Variants in MYO3A observed in about 807,000 individuals in gnomAD.
MYO3A encodes the protein myosin-IIIa.
In MYO3A, 180 loss-of-function variants were observed where a neutral mutation model predicts 192.7. The ratio of observed to expected loss-of-function variants is 0.93; its 90% CI spans 0.83 to 1.06. MYO3A has a LOEUF of 1.06. Ranked by LOEUF, MYO3A falls within the 50% of genes least tolerant of loss-of-function variation. The pLI is 0.00. For missense variants in MYO3A, 1,896 were observed against 1,905.0 expected (o/e 1.00, Z 0.09); for synonymous variants, 628 against 645.3 (o/e 0.97, Z 0.41).
chr10:26,207,979 G>A (rs1354053945), intron 34 of MYO3A, among the ~76,000 whole-genome samples: 1 of 152,032 alleles, frequency 6.6e-6, no homozygotes, highest in Non-Finnish European at 1.5e-5. Flanking sequence ...TCAATGTATA[G>A]ATCTTTTACC....
chr10:26,088,138 A>G, intron 14 of MYO3A, 65 bp from the exon 15 acceptor site: 2 of 1,273,670 alleles, frequency 1.6e-6, no homozygotes, highest in Non-Finnish European at 2.2e-6. Context: ...CAAAGAAGAG[A>G]CATTTCATTA....
intron 6 of MYO3A, among the ~76,000 whole-genome samples, chr10:26,002,361 T>A (rs7922822): frequency 0.094 from 14,268 of 152,198 alleles, 1,169 homozygotes; most frequent in African/African-American, 0.21. Flanking sequence ...TATAGAAGGA[T>A]GCACCCCTAG....
At chr10:26,041,228 C>T (rs189450267) in intron 10 of MYO3A, among the ~76,000 whole-genome samples, 51 of 151,758 alleles carry the variant, frequency 3.4e-4, no homozygotes, top group East Asian at 7.7e-4. Context: ...TTTTTGGTTC[C>T]GGTTGGCATA....
intron 27 of MYO3A, among the ~76,000 whole-genome samples, chr10:26,167,480 C>T (rs1005686288): frequency 2.0e-5 from 3 of 152,280 alleles, no homozygotes; most frequent in African/African-American, 4.8e-5. Flanking sequence ...GTCTGAAACA[C>T]ATGCCTAACT....
intron 29 of MYO3A, 92 bp downstream of exon 29, chr10:26,170,631 A>G: frequency 1.4e-6 from 2 of 1,399,308 alleles, no homozygotes. Flanking sequence ...TTCTTGTACT[A>G]GTCAGGTTCC....
At position 25,968,952 on chromosome 10, in the gene MYO3A, G is replaced by A. The variant is rs534047969; in HGVS notation, c.303+13944G>A. Among the ~76,000 whole-genome samples the A allele has an allele frequency of 1.4e-4, 21 of 152,224 alleles. No homozygotes were observed. In the South Asian group the frequency reaches 3.7e-3, roughly 27 times the overall value. On this transcript the variant is annotated intron_variant, in intron 4 of 34. Transcript: ENST00000642920. ...GTAACCCTTATTTTACTTAATAATG[G>A]CCACAGGCCAGGCATGGTGGCTCAC...
chr10:26,174,696 A>G, intron 30 of MYO3A, 139 bp downstream of exon 30: 1 of 755,710 alleles, frequency 1.3e-6, no homozygotes, highest in Non-Finnish European at 2.2e-6. Flanking sequence ...AAAATGTCTC[A>G]GGGATTGTGC....
intron 10 of MYO3A, among the ~76,000 whole-genome samples, chr10:26,065,725 T>C (rs11014948): frequency 0.48 from 71,803 of 150,900 alleles, 17,766 homozygotes; most frequent in Middle Eastern, 0.59. Context: ...GGGTGGGTGA[T>C]ATAACAGAGA....
chr10:26,094,582 G>A (rs557543391), intron 15 of MYO3A, among the ~76,000 whole-genome samples: 50 of 152,084 alleles, frequency 3.3e-4, no homozygotes, highest in African/African-American at 1.0e-3. Flanking sequence ...CTGCCACCAC[G>A]CCTGGCTAAT....
intron 20 of MYO3A, among the ~76,000 whole-genome samples, chr10:26,140,713 A>G (rs1439784564): frequency 6.6e-6 from 1 of 151,852 alleles, no homozygotes; most frequent in Non-Finnish European, 1.5e-5. Context: ...GAAGAAAAAC[A>G]AGGGACAACT....
chr10:25,952,608 G>T (rs1366679968), intron 3 of MYO3A, among the ~76,000 whole-genome samples: 8 of 152,120 alleles, frequency 5.3e-5, no homozygotes, highest in Non-Finnish European at 1.0e-4. Context: ...AAGTAATCCT[G>T]AAATGGCATC....
intron 15 of MYO3A, among the ~76,000 whole-genome samples, chr10:26,091,030 C>T (rs570116357): frequency 6.6e-5 from 10 of 152,282 alleles, no homozygotes; most frequent in East Asian, 1.9e-4. Context: ...CTCCTTCATT[C>T]GCCTGTTTCC....
At chr10:26,172,194 C>T (rs955573683) in intron 29 of MYO3A, among the ~76,000 whole-genome samples, 1 of 152,226 alleles carries the variant, frequency 6.6e-6, no homozygotes, top group Admixed American at 6.5e-5. Context: ...CCAGCACTCC[C>T]TCCCTCCTCC....
At chr10:26,064,467 G>A (rs7097468) in intron 10 of MYO3A, among the ~76,000 whole-genome samples, 72,129 of 151,878 alleles carry the variant, frequency 0.47, 17,928 homozygotes, top group Middle Eastern at 0.59. Flanking sequence ...TATGGGCCTT[G>A]TAGGCCATGG....
intron 10 of MYO3A, among the ~76,000 whole-genome samples, chr10:26,035,343 A>G (rs1218362517): frequency 1.3e-5 from 2 of 152,236 alleles, no homozygotes; most frequent in African/African-American, 2.4e-5. Flanking sequence ...GGAGAAGGCC[A>G]TTGTAAGTAC....
intron 34 of MYO3A, among the ~76,000 whole-genome samples, chr10:26,204,789 T>G (rs2132222089): frequency 6.6e-6 from 1 of 152,348 alleles, no homozygotes; most frequent in African/African-American, 2.4e-5. Context: ...GATGTGATCC[T>G]TACCTCCAAG....
chr10:26,060,333 T>A (rs1834384701), intron 10 of MYO3A, among the ~76,000 whole-genome samples: 1 of 151,892 alleles, frequency 6.6e-6, no homozygotes, highest in African/African-American at 2.4e-5. Context: ...CCTGGCATGG[T>A]GGCGGGTGCC....
intron 19 of MYO3A, among the ~76,000 whole-genome samples, chr10:26,126,571 C>G (rs1195034345): frequency 6.6e-6 from 1 of 151,982 alleles, no homozygotes; most frequent in Non-Finnish European, 1.5e-5. Flanking sequence ...ATGTAATGGT[C>G]AAAATGGTTG....
chr10:26,065,041 A>T (rs1211361420), intron 10 of MYO3A, among the ~76,000 whole-genome samples: 1 of 152,208 alleles, frequency 6.6e-6, no homozygotes, highest in African/African-American at 2.4e-5. Flanking sequence ...GACCCCCAAA[A>T]TGTAACAGAA....
Sources: allele counts gnomAD v4.1 joint callset (sites outside exome capture counted in the v4.1 genomes callset), GRCh38; gene constraint gnomAD v4.1.1; transcripts MANE v1.5; gene names NCBI Gene and HGNC (gene_info 2026-07-23, HGNC 2026-07-21).